The following KCNB2 variants were observed in gnomAD, a reference collection of about 807,000 sequenced individuals.
KCNB2 encodes potassium voltage-gated channel subfamily B member 2, also known as delayed rectifier potassium channel protein.
Under a neutral mutation model 61.5 loss-of-function variants are expected in KCNB2, and 15 were observed. The observed-to-expected ratio is 0.24, with a 90% confidence interval of 0.16 to 0.38. The LOEUF (loss-of-function observed/expected upper bound fraction) is 0.38, where lower values mean the gene tolerates loss of function less well. Among genes scored for constraint, KCNB2 ranks in the 10% least tolerant of loss-of-function variants. KCNB2 has a pLI of 1.00. For missense variants in KCNB2, 828 were observed against 1,125.2 expected (o/e 0.74, Z 3.78); for synonymous variants, 457 against 446.0 (o/e 1.02, Z -0.31).
chr8:72,826,711 C>CGA (rs1563396655), intron 2 of KCNB2, among the ~76,000 whole-genome samples: 1 of 152,124 alleles, frequency 6.6e-6, no homozygotes, highest in Non-Finnish European at 1.5e-5. Flanking sequence ...AGAGTCTTCC[C>CGA]TATTGGGACA....
chr8:72,736,264 A>C (rs1585861678), intron 2 of KCNB2, among the ~76,000 whole-genome samples: 1 of 151,920 alleles, frequency 6.6e-6, no homozygotes, highest in Admixed American at 6.6e-5. Context: ...TTGTCCCTCT[A>C]TCATTTAAAA....
intron 2 of KCNB2, among the ~76,000 whole-genome samples, chr8:72,783,562 C>G (rs1005953957): frequency 1.3e-5 from 2 of 152,130 alleles, no homozygotes; most frequent in Non-Finnish European, 2.9e-5. Context: ...GAGGCTGTTG[C>G]TGAGCCACTA....
At chr8:72,752,788 C>A (rs1456019981) in intron 2 of KCNB2, among the ~76,000 whole-genome samples, 1 of 152,156 alleles carries the variant, frequency 6.6e-6, no homozygotes, top group Non-Finnish European at 1.5e-5. Flanking sequence ...AAGCTAAGGG[C>A]TTTTTACCAA....
chr8:72,800,197 A>T (rs1809100758), intron 2 of KCNB2, among the ~76,000 whole-genome samples: 1 of 152,134 alleles, frequency 6.6e-6, no homozygotes, highest in Admixed American at 6.6e-5. Flanking sequence ...GCTTCTTGGA[A>T]TGGCTTCATA....
chr8:72,651,923 T>A (rs1425733614), intron 2 of KCNB2, among the ~76,000 whole-genome samples: 3 of 152,134 alleles, frequency 2.0e-5, no homozygotes, highest in Non-Finnish European at 4.4e-5. Flanking sequence ...CACATGGGCA[T>A]GATCCCATTT....
chr8:72,890,716 T>A (rs1019260010), intron 2 of KCNB2, among the ~76,000 whole-genome samples: 1 of 152,192 alleles, frequency 6.6e-6, no homozygotes, highest in Non-Finnish European at 1.5e-5. Flanking sequence ...AGAAGTCAGG[T>A]AGTACTAACA....
At chr8:72,909,050 C>T (rs1205057005) in intron 2 of KCNB2, among the ~76,000 whole-genome samples, 4 of 152,160 alleles carry the variant, frequency 2.6e-5, no homozygotes, top group Non-Finnish European at 2.9e-5. Context: ...GGTCATGTAC[C>T]AAGTCCTGGG....
At chr8:72,769,271 T>C in intron 2 of KCNB2, among the ~76,000 whole-genome samples, 1 of 152,084 alleles carries the variant, frequency 6.6e-6, no homozygotes, top group Non-Finnish European at 1.5e-5. Flanking sequence ...ATATGTATGC[T>C]GGACACTGTT....
intron 2 of KCNB2, among the ~76,000 whole-genome samples, chr8:72,920,489 T>TATATATATATA (rs1806501942): frequency 5.4e-4 from 19 of 35,358 alleles, no homozygotes; most frequent in Non-Finnish European, 1.4e-3. Flanking sequence ...ATATATATAT[T>TATATATATATA]AGCTGGCCAT....
chr8:72,855,880 A>G (rs1810198927), intron 2 of KCNB2, among the ~76,000 whole-genome samples: 1 of 152,224 alleles, frequency 6.6e-6, no homozygotes, highest in South Asian at 2.1e-4. Context: ...AACGTGGTAT[A>G]GTATTTGCAT....
At chr8:72,725,672 C>G (rs1221931348) in intron 2 of KCNB2, among the ~76,000 whole-genome samples, 4 of 147,094 alleles carry the variant, frequency 2.7e-5, no homozygotes, top group South Asian at 2.2e-4. Flanking sequence ...AACTAAACTG[C>G]CTCAGCTCTC....
intron 2 of KCNB2, among the ~76,000 whole-genome samples, chr8:72,642,048 C>T (rs540793656): frequency 6.6e-6 from 1 of 152,212 alleles, no homozygotes; most frequent in African/African-American, 2.4e-5. Context: ...CTTGAAGTTT[C>T]ATTAAGTAGG....
intron 2 of KCNB2, among the ~76,000 whole-genome samples, chr8:72,725,880 A>G (rs1215618937): frequency 1.3e-5 from 2 of 152,016 alleles, no homozygotes; most frequent in African/African-American, 4.8e-5. Flanking sequence ...TTAATTTTTT[A>G]AAAGGCCTCT....
At chr8:72,917,450 AT>A (rs1806423285) in intron 2 of KCNB2, among the ~76,000 whole-genome samples, 1 of 152,224 alleles carries the variant, frequency 6.6e-6, no homozygotes, top group Admixed American at 6.5e-5. Context: ...TTAAATGAAC[AT>A]ATGGTTATTT....
chr8:72,719,872 A>G (rs1239618668), intron 2 of KCNB2, among the ~76,000 whole-genome samples: 2 of 152,246 alleles, frequency 1.3e-5, no homozygotes, highest in Non-Finnish European at 2.9e-5. Flanking sequence ...AATGAATTTC[A>G]TAAGAAAATA....
chr8:72,698,880 TTTAAATG>T (rs1807064801), intron 2 of KCNB2, among the ~76,000 whole-genome samples: 1 of 152,112 alleles, frequency 6.6e-6, no homozygotes, highest in South Asian at 2.1e-4. Flanking sequence ...GAATTAAACA[TTTAAATG>T]TAAGACCGCA....
intron 2 of KCNB2, among the ~76,000 whole-genome samples, chr8:72,847,352 C>T (rs1810013251): frequency 6.6e-6 from 1 of 152,210 alleles, no homozygotes; most frequent in South Asian, 2.1e-4. Flanking sequence ...TTGTGGTCTT[C>T]CCATCTCCAC....
intron 2 of KCNB2, among the ~76,000 whole-genome samples, chr8:72,569,399 A>G (rs1003597752): frequency 6.6e-6 from 1 of 152,230 alleles, no homozygotes; most frequent in Non-Finnish European, 1.5e-5. Flanking sequence ...ATTCTACATG[A>G]TAATCTATAG....
intron 1 of KCNB2, among the ~76,000 whole-genome samples, chr8:72,540,473 AT>A (rs1247930133): frequency 3.9e-5 from 6 of 152,022 alleles, no homozygotes; most frequent in African/African-American, 1.4e-4. Context: ...ATTATGTGTG[AT>A]TTCTTTTTTA....
Sources: allele counts gnomAD v4.1 joint callset (sites outside exome capture counted in the v4.1 genomes callset), GRCh38; gene constraint gnomAD v4.1.1; transcripts MANE v1.5; gene names NCBI Gene and HGNC (gene_info 2026-07-23, HGNC 2026-07-21).